EVL: variants seen among roughly 807,000 people sequenced by gnomAD.
The protein encoded by EVL is Enah/Vasp-like.
A neutral mutation model predicts 59.6 loss-of-function variants in EVL; 21 were observed. The ratio of observed to expected loss-of-function variants is 0.35; its 90% CI spans 0.25 to 0.51. EVL has a LOEUF of 0.51. Ranked by LOEUF, EVL falls within the 20% of genes least tolerant of loss-of-function variation. The pLI is 0.97. For synonymous variants in EVL, 198 were observed against 203.5 expected (o/e 0.97, Z 0.23); for missense variants, 462 against 546.6 (o/e 0.85, Z 1.54).
chr14:100,060,442 A>C (rs1171782118), upstream of EVL, among the ~76,000 whole-genome samples: 2 of 151,714 alleles, frequency 1.3e-5, no homozygotes, highest in Non-Finnish European at 2.9e-5. Context: ...AAAAAAAAAA[A>C]AAAAAACTTG....
At chr14:100,049,563 C>T (rs1050051091) in intron 1 of EVL, among the ~76,000 whole-genome samples, 1 of 152,310 alleles carries the variant, frequency 6.6e-6, no homozygotes, top group Admixed American at 6.5e-5. Flanking sequence ...CAAAATTCTC[C>T]TGTTACTTCA....
intron 2 of EVL, among the ~76,000 whole-genome samples, chr14:100,096,617 G>A (rs1885830912): frequency 6.6e-6 from 1 of 152,226 alleles, no homozygotes; most frequent in Non-Finnish European, 1.5e-5. Flanking sequence ...AGAAGGGATG[G>A]GAAGCAGAAT....
intron 1 of EVL, among the ~76,000 whole-genome samples, chr14:100,016,578 A>AAAAC (rs1042404500): frequency 3.3e-5 from 5 of 152,236 alleles, no homozygotes; most frequent in South Asian, 2.1e-4. Context: ...CTCCGTCTCT[A>AAAAC]AAACAAACAA....
At chr14:100,020,074 A>T (rs1367153098) in intron 1 of EVL, among the ~76,000 whole-genome samples, 2 of 152,298 alleles carry the variant, frequency 1.3e-5, no homozygotes, top group Middle Eastern at 3.4e-3. Context: ...TGCTCTTTTT[A>T]AAAAATGCTG....
At chr14:100,042,227 A>G (rs72711912) in intron 1 of EVL, among the ~76,000 whole-genome samples, 14 of 152,314 alleles carry the variant, frequency 9.2e-5, no homozygotes, top group Non-Finnish European at 1.9e-4. Flanking sequence ...TGGACCGGCC[A>G]CATTTCAAGT....
At chr14:100,080,693 G>T (rs757862282) in intron 1 of EVL, among the ~76,000 whole-genome samples, 9 of 152,186 alleles carry the variant, frequency 5.9e-5, no homozygotes, top group Non-Finnish European at 1.0e-4. Flanking sequence ...CTTCCCCCAA[G>T]AGAGAAATTC....
Position 100,090,397 on chromosome 14 carries a change from T to C in EVL, c.180+5542T>C, listed in dbSNP as rs536445327. ...AAGAAGAAACAATGCCAGTCTTACA[T>C]TACTCCTTCGGAGATGAGAGAAACA... On this transcript the variant is annotated intron_variant, in intron 2 of 13. Coordinates refer to ENST00000392920, the MANE Select transcript of EVL (RefSeq NM_016337.3). Among the ~76,000 whole-genome samples the C allele has an allele frequency of 2.6e-5, 4 of 152,352 alleles. No homozygotes were observed. The East Asian group carries it at 7.7e-4, about 29-fold the overall frequency.
In EVL at chr14:100,130,307, C is replaced by T. The variant is rs577480710; in HGVS notation, c.839+623C>T. ...TCTCCGCTGTTCCCCAAATGAAACC[C>T]GAGCAGATGGGGAGATCGTCCAGGT... On this transcript the variant is annotated intron_variant, in intron 7 of 13. Transcript: ENST00000392920. The surrounding 1 kb of genome is among the most constrained non-coding windows in gnomAD (Gnocchi z 4.8). Among the ~76,000 whole-genome samples the T allele has an allele frequency of 9.8e-4, 150 of 152,320 alleles. 1 individual carries two copies. The highest frequency in any genetic ancestry group is 3.4e-3 in the African/African-American group (140 of 41,568).
At chr14:100,041,589 A>G (rs977593807) in intron 1 of EVL, among the ~76,000 whole-genome samples, 2 of 152,198 alleles carry the variant, frequency 1.3e-5, no homozygotes, top group African/African-American at 4.8e-5. Context: ...GAAGACCCCA[A>G]CACACAGTAG....
At chr14:100,066,638 C>T (rs1391097987) in intron 1 of EVL, among the ~76,000 whole-genome samples, 3 of 152,164 alleles carry the variant, frequency 2.0e-5, no homozygotes, top group African/African-American at 7.2e-5. Context: ...GAATGCTTTT[C>T]ATTTCAAAGG....
At chr14:100,095,631 CAG>C (rs1411437760) in intron 2 of EVL, among the ~76,000 whole-genome samples, 2 of 152,182 alleles carry the variant, frequency 1.3e-5, no homozygotes, top group Non-Finnish European at 1.5e-5. Flanking sequence ...AGCAAAAAAA[CAG>C]AGAACTACCC....
intron 1 of EVL, among the ~76,000 whole-genome samples, chr14:100,002,615 A>G (rs1405110422): frequency 2.0e-5 from 3 of 152,382 alleles, no homozygotes; most frequent in Non-Finnish European, 2.9e-5. Flanking sequence ...TAAGCCAAAT[A>G]TGCCATTTTT....
chr14:99,982,324 A>G (rs2060812256), intron 1 of EVL, among the ~76,000 whole-genome samples: 1 of 152,242 alleles, frequency 6.6e-6, no homozygotes, highest in African/African-American at 2.4e-5. Flanking sequence ...TAGCTGAATA[A>G]TAGTCTGTCA....
rs551326539 is a variant in EVL, at chr14:100,128,059, G to A, written c.488-460G>A. ...TGCGCCCTGACCCATGCCCCCAGTC[G>A]GCCCTGGGACCCACAGGACCTGCCA... On this transcript the variant is annotated intron_variant, in intron 5 of 13. Transcript: ENST00000392920. 7.9e-5 allele frequency among the ~76,000 whole-genome samples: 12 copies of A among 152,226 alleles called. No homozygotes were observed. In the South Asian group the frequency reaches 1.7e-3, roughly 21 times the overall value.
At chr14:100,009,554 A>G (rs2061003235) in intron 1 of EVL, among the ~76,000 whole-genome samples, 1 of 152,218 alleles carries the variant, frequency 6.6e-6, no homozygotes, top group Non-Finnish European at 1.5e-5. Flanking sequence ...TTATTCAATC[A>G]TTCCAGTTCC....
rs150086852 is a variant in EVL at position 100,015,821 on chromosome 14, A to G, written c.5+43764A>G. Among the ~76,000 whole-genome samples the G allele has an allele frequency of 6.3e-3, 955 of 152,370 alleles. 9 individuals are homozygous for G. Among genetic ancestry groups the G allele is most frequent in the African/African-American group, 0.022 (897 of 41,592 alleles). On this transcript the variant is annotated intron_variant, in intron 1 of 13. Transcript: ENST00000402714. ...CACAGTGGCTCATGCCTGTAATCCC[A>G]GCACTTTGGGAGGCCAAGGTGGGTA... is the stretch of plus-strand genomic sequence containing the variant.
rs114898462 is a variant in EVL at position 100,079,030 on chromosome 14, A to G, written c.12-5657A>G. ...AGTGTGGCTCCTAGGCTGACACTCC[A>G]GAGGAGCAGAAGAGGGCAGCCTGTA... On this transcript the variant is annotated intron_variant, in intron 1 of 13. Transcript: ENST00000392920. Among the ~76,000 whole-genome samples the G allele has an allele frequency of 6.1e-3, 934 of 152,318 alleles. 6 individuals carry two copies. Among genetic ancestry groups the G allele is most frequent in the African/African-American group, 0.021 (892 of 41,582 alleles).
At chr14:100,027,302 GT>G (rs1356509428) in intron 1 of EVL, among the ~76,000 whole-genome samples, 1 of 152,080 alleles carries the variant, frequency 6.6e-6, no homozygotes, top group Non-Finnish European at 1.5e-5. Context: ...ATAAATTACT[GT>G]TAACTCTTGT....
In EVL at chr14:100,130,470, C is replaced by A. The variant is rs1566724031; in HGVS notation, c.839+786C>A. ...CGGGAGTAGGCCTCACCTGCCAGAA[C>A]AGAGGAAGCTGCAGCGGGGGCCCTG... On this transcript the variant is annotated intron_variant, in intron 7 of 13. Coordinates refer to ENST00000392920, the MANE Select transcript of EVL (RefSeq NM_016337.3). This position sits in a 1 kb window ranked among gnomAD's most constrained non-coding sequence, Gnocchi z 4.8. Among the ~76,000 whole-genome samples, 1 of 152,214 alleles carries A rather than the reference C, an allele frequency of 6.6e-6. No homozygotes were observed. The highest frequency in any genetic ancestry group is 2.1e-4 in the South Asian group (1 of 4,834).
Sources: gnomAD v4.1 joint callset for allele counts (sites outside exome capture counted in the v4.1 genomes callset) on GRCh38, gnomAD v4.1.1 for gene constraint, Gnocchi (gnomAD v3.1) non-coding constraint, MANE v1.5 for transcripts, NCBI Gene and HGNC (gene_info 2026-07-23, HGNC 2026-07-21) for gene names.